The following RGS22 variants were observed in gnomAD, a reference collection of about 807,000 sequenced individuals.
The protein encoded by RGS22 is regulator of G protein signaling 22, also known as regulator of G-protein signaling 22.
RGS22 carries 148 observed loss-of-function variants against 172.9 expected under a neutral mutation model. That is an observed-to-expected ratio of 0.86 (90% CI 0.75 to 0.98). The LOEUF (loss-of-function observed/expected upper bound fraction) is 0.98, where lower values mean the gene tolerates loss of function less well. Ranked by LOEUF, RGS22 falls within the 50% of genes least tolerant of loss-of-function variation. The pLI is 0.00. For missense variants in RGS22, 1,347 were observed against 1,440.8 expected (o/e 0.93, Z 1.05); for synonymous variants, 458 against 480.2 (o/e 0.95, Z 0.60).
chr8:100,071,663 G>T, intron 5 of RGS22, 126 bp from the exon 6 acceptor site: 1 of 591,668 alleles, frequency 1.7e-6, no homozygotes, highest in Non-Finnish European at 2.8e-6. Flanking sequence ...ATTTTCTTTG[G>T]CTCTGCTAAA....
intron 23 of RGS22, among the ~76,000 whole-genome samples, chr8:99,974,280 G>A (rs1008709614): frequency 1.3e-5 from 2 of 152,132 alleles, no homozygotes; most frequent in African/African-American, 4.8e-5. Flanking sequence ...ATGGGCTGGG[G>A]TTGGGGAGGG....
intron 1 of RGS22, 30 bp from the exon 2 acceptor site, chr8:100,105,432 C>A (rs369404579): frequency 1.3e-4 from 199 of 1,577,644 alleles, no homozygotes; most frequent in Non-Finnish European, 2.9e-5. Context: ...TACATTATCT[C>A]CCTCAAATCT....
At chr8:100,062,486 G>A in intron 9 of RGS22, 105 bp downstream of exon 9, 2 of 722,754 alleles carry the variant, frequency 2.8e-6, no homozygotes, top group South Asian at 3.8e-5. Context: ...CAATAGTCTT[G>A]TCATTTTATG....
Position 100,002,198 on chromosome 8 carries a change from AT to A in RGS22, c.2790+3del. 1 of 1,549,586 alleles carries A rather than the reference AT, an allele frequency of 6.5e-7. No individual in the cohort carries two copies. The highest frequency in any genetic ancestry group is 8.7e-7 in the Non-Finnish European group (1 of 1,154,788). On this transcript the variant is annotated splice_donor_region_variant and intron_variant, in intron 18 of 27. Transcript: ENST00000360863. ...ATTAAAAAAATAGGTTTGCATGTTGATACCTGGTTCTGCTGATACAGAGAAG... is the reference window on the plus strand; with the variant it reads ...ATTAAAAAAATAGGTTTGCATGTTGAACCTGGTTCTGCTGATACAGAGAAG...
chr8:100,026,112 T>C (rs1290904838), intron 14 of RGS22, among the ~76,000 whole-genome samples: 1 of 152,220 alleles, frequency 6.6e-6, no homozygotes, highest in African/African-American at 2.4e-5. Flanking sequence ...GTCTAACTGC[T>C]ATTCAGTTTA....
chr8:100,008,603 T>G (rs1419327643), intron 14 of RGS22, 34 bp from the exon 15 acceptor site: 2 of 1,535,132 alleles, frequency 1.3e-6, no homozygotes, highest in Non-Finnish European at 1.8e-6. Flanking sequence ...GAGAAGATGT[T>G]AAGAGAAGCC....
At chr8:100,061,975 G>A (rs1810172372) in intron 9 of RGS22, among the ~76,000 whole-genome samples, 1 of 152,146 alleles carries the variant, frequency 6.6e-6, no homozygotes, top group Non-Finnish European at 1.5e-5. Context: ...CCATAAAAAA[G>A]AACAAGTTTA....
chr8:99,982,259 A>T (rs1812631603), intron 21 of RGS22, 143 bp from the exon 22 acceptor site: 1 of 612,746 alleles, frequency 1.6e-6, no homozygotes, highest in Non-Finnish European at 2.6e-6. Flanking sequence ...GGCTGTCTTT[A>T]AAAAATTACA....
intron 14 of RGS22, among the ~76,000 whole-genome samples, chr8:100,026,536 C>T (rs1003735162): frequency 3.3e-5 from 5 of 152,190 alleles, no homozygotes; most frequent in African/African-American, 1.2e-4. Flanking sequence ...ACTTATTTGT[C>T]ATGGGACCCA....
intron 14 of RGS22, among the ~76,000 whole-genome samples, chr8:100,011,270 AC>A (rs1816357948): frequency 6.6e-6 from 1 of 152,208 alleles, no homozygotes; most frequent in Non-Finnish European, 1.5e-5. Context: ...CTGAGGAGTG[AC>A]GTCATTGGAT....
At position 100,064,042 on chromosome 8, in the gene RGS22, C is replaced by A. The variant is rs775639903; in HGVS notation, c.726G>T (p.Glu242Asp). 5.4e-5 allele frequency: 81 copies of A among 1,500,360 alleles called. No individual in the cohort carries two copies. The highest frequency in any genetic ancestry group is 6.7e-5 in the Non-Finnish European group (76 of 1,130,086). The allele number at this position is 1,500,360 out of a possible 1,614,324, so 92.9% of individuals were successfully genotyped here. The change falls in exon 8 of 28, where the codon GAG becomes GAT. Residue 242 changes from glutamate (E) to aspartate (D), a missense_variant and splice_region_variant. Physicochemically the swap from Glu to Asp is conservative, Grantham distance 45. Coordinates refer to ENST00000360863, the MANE Select transcript of RGS22 (RefSeq NM_015668.5). ...LKSPAISSVSENFIFDDGVHP... is the reference protein window; with the variant it reads ...LKSPAISSVSDNFIFDDGVHP... Reference sequence around the variant, plus strand: ...GAACTCCATCATCAAAGATAAAATTCTCTGTATTAAGTCATAAAAAGCTAT... The same window carrying A: ...GAACTCCATCATCAAAGATAAAATTATCTGTATTAAGTCATAAAAAGCTAT...
intron 14 of RGS22, among the ~76,000 whole-genome samples, chr8:100,031,056 G>A (rs1315612016): frequency 6.6e-6 from 1 of 152,156 alleles, no homozygotes. Flanking sequence ...AGACTTCACA[G>A]ATTTCCGTAT....
intron 27 of RGS22, among the ~76,000 whole-genome samples, chr8:99,961,627 G>A (rs1203377454): frequency 6.6e-6 from 1 of 152,138 alleles, no homozygotes; most frequent in Non-Finnish European, 1.5e-5. Flanking sequence ...CCAATCTTGG[G>A]TATTTCTTCA....
chr8:99,986,755 T>C (rs1288954798), intron 21 of RGS22, among the ~76,000 whole-genome samples: 1 of 152,228 alleles, frequency 6.6e-6, no homozygotes, highest in Admixed American at 6.5e-5. Context: ...AATTCTTTTC[T>C]CTTCTCTGTT....
chr8:99,974,025 A>C (rs927460468), intron 23 of RGS22, among the ~76,000 whole-genome samples: 3 of 152,188 alleles, frequency 2.0e-5, no homozygotes, highest in African/African-American at 7.2e-5. Context: ...TATTAACAAA[A>C]GTGTAGCAAA....
chr8:100,048,213 T>C (rs1820933610), intron 10 of RGS22, among the ~76,000 whole-genome samples: 1 of 152,092 alleles, frequency 6.6e-6, no homozygotes, highest in Non-Finnish European at 1.5e-5. Context: ...GGGATATACA[T>C]AAATGTAACA....
chr8:99,974,952 C>T (rs527624958), intron 23 of RGS22, among the ~76,000 whole-genome samples: 23 of 151,976 alleles, frequency 1.5e-4, no homozygotes, highest in Non-Finnish European at 2.5e-4. Context: ...GTTTGAGATA[C>T]CTGGCCAACA....
chr8:99,977,088 C>T (rs1375287949), intron 23 of RGS22, among the ~76,000 whole-genome samples: 2 of 151,830 alleles, frequency 1.3e-5, no homozygotes, highest in East Asian at 1.9e-4. Flanking sequence ...TTACACATTT[C>T]ACAATGTATC....
intron 17 of RGS22, 90 bp downstream of exon 17, chr8:100,003,836 T>A: frequency 1.8e-6 from 2 of 1,127,828 alleles, no homozygotes; most frequent in Non-Finnish European, 2.4e-6. Flanking sequence ...AAATCTGTTA[T>A]AGCACCAAAT....
Sources: allele counts gnomAD v4.1 joint callset (sites outside exome capture counted in the v4.1 genomes callset), GRCh38; gene constraint gnomAD v4.1.1; transcripts MANE v1.5; gene names NCBI Gene and HGNC (gene_info 2026-07-23, HGNC 2026-07-21).